The following PIEZO1 variants were observed in gnomAD, a reference collection of about 807,000 sequenced individuals.
The protein encoded by PIEZO1 is piezo-type mechanosensitive ion channel component 1.
A neutral mutation model predicts 297.2 loss-of-function variants in PIEZO1; 296 were observed. The ratio of observed to expected loss-of-function variants is 1.00; its 90% CI spans 0.91 to 1.10. PIEZO1 has a LOEUF of 1.10. Among genes scored for constraint, PIEZO1 ranks in the 50% least tolerant of loss-of-function variants. The probability of loss-of-function intolerance (pLI) is 0.00; values close to 1 mark genes in which losing one functional copy is unlikely to be tolerated. For synonymous variants in PIEZO1, 2,427 were observed against 1,507.5 expected (o/e 1.61, Z -14.13); for missense variants, 5,018 against 3,455.5 (o/e 1.45, Z -11.34).
chr16:88,718,785 G>T (rs139717140), intron 44 of PIEZO1: 138 of 152,986 alleles, frequency 9.0e-4, no homozygotes, highest in African/African-American at 3.1e-3. Flanking sequence ...CAGGCTTAAT[G>T]CAGCCCTGTA....
At chr16:88,741,178 G>A in intron 5 of PIEZO1, 1 of 277,772 alleles carries the variant, frequency 3.6e-6, no homozygotes. Context: ...AGCACTGCAG[G>A]TTTCCACCAC....
At chr16:88,778,650 T>A (rs938836796) in intron 1 of PIEZO1, among the ~76,000 whole-genome samples, 2 of 152,180 alleles carry the variant, frequency 1.3e-5, no homozygotes, top group Non-Finnish European at 2.9e-5. Context: ...AGCGTCCCCA[T>A]GGGCCCGGCA....
At chr16:88,779,591 C>T (rs1907833310) in intron 1 of PIEZO1, among the ~76,000 whole-genome samples, 1 of 152,212 alleles carries the variant, frequency 6.6e-6, no homozygotes, top group Non-Finnish European at 1.5e-5. Context: ...TCCCACAGGA[C>T]CGGCGTGAGA....
At chr16:88,727,398 G>C (rs1397782096) in intron 23 of PIEZO1, among the ~76,000 whole-genome samples, 159 bp downstream of exon 23, 1 of 152,130 alleles carries the variant, frequency 6.6e-6, no homozygotes, top group Non-Finnish European at 1.5e-5. Flanking sequence ...ACAGGCTGAG[G>C]TCTGCGTGCG....
chr16:88,743,176 C>T (rs1183919762), intron 2 of PIEZO1: 3 of 455,704 alleles, frequency 6.6e-6, no homozygotes, highest in African/African-American at 6.0e-5. Flanking sequence ...GGGAGGCCTT[C>T]GGCTGCAGGG....
intron 22 of PIEZO1, among the ~76,000 whole-genome samples, chr16:88,731,023 C>T (rs1483521304): frequency 6.6e-6 from 1 of 152,244 alleles, no homozygotes; most frequent in Non-Finnish European, 1.5e-5. Flanking sequence ...ATGTGACTCC[C>T]CATCTCAGAC....
At position 88,716,656 on chromosome 16, in the gene PIEZO1, G is replaced by A. The variant is rs563555492; in HGVS notation, c.6829C>T (p.Leu2277=). 6.5e-7 allele frequency: 1 copy of A among 1,549,436 alleles called. No homozygotes were observed. Among genetic ancestry groups the A allele is most frequent in the Admixed American group, 2.0e-5 (1 of 51,016 alleles). The change falls in exon 47 of 51, where the codon CTG becomes TTG. Residue 2277 remains leucine, a synonymous_variant. Transcript: ENST00000301015. ...TAQIEGSSGA[L]WRISPPSRAQ... is the part of the protein sequence containing the mutation. ...CGGCTGGGGGGACTGATGCGCCACA[G>A]CGCCCCGGAGCTGCCCTCAATCTGC...
Position 88,721,165 on chromosome 16 carries a change from C to A in PIEZO1, c.5668+1G>T, listed in dbSNP as rs1912409763. ...GAGGTTGTGAGGCAGGGCGCTTATA[C>A]CGATGGCTGCCGCTCCTTTCCGTGC... is the stretch of plus-strand genomic sequence containing the variant. On this transcript the variant is annotated splice_donor_variant, in intron 39 of 50. Transcript: ENST00000301015. LOFTEE classifies it high-confidence loss of function. 6.7e-7 allele frequency: 1 copy of A among 1,498,984 alleles called. No homozygotes were observed. The highest frequency in any genetic ancestry group is 8.9e-7 in the Non-Finnish European group (1 of 1,125,206). The allele number at this position is 1,498,984 out of a possible 1,614,324, so 92.9% of individuals were successfully genotyped here. A position where few individuals can be genotyped will look rare whatever the true frequency, so the allele number is the denominator to read the frequency against.
intron 5 of PIEZO1, chr16:88,738,972 A>C (rs1597462688): frequency 1.7e-6 from 1 of 572,874 alleles, no homozygotes. Flanking sequence ...AGCAGCTCCC[A>C]CCCTGGCCGA....
rs1313633586 is a variant in PIEZO1 at position 88,738,552 on chromosome 16, CT to C, written c.634+15del. The C allele has an allele frequency of 2.6e-6, 4 of 1,531,864 alleles. No individual in the cohort carries two copies. Among genetic ancestry groups the C allele is most frequent in the East Asian group, 2.4e-5 (1 of 40,822 alleles). 94.9% of individuals were successfully genotyped at this position (1,531,864 alleles called of 1,614,324 possible). ...CTCCCAGTGTGACTGCCAGTGCCCCCTGCCTCGGTGCGTACCTGCCAGTGCA... is the reference window on the plus strand; with the variant it reads ...CTCCCAGTGTGACTGCCAGTGCCCCCGCCTCGGTGCGTACCTGCCAGTGCA... On this transcript the variant is annotated intron_variant, in intron 6 of 50. Coordinates refer to ENST00000301015, the MANE Select transcript of PIEZO1 (RefSeq NM_001142864.4).
Position 88,725,417 on chromosome 16 carries a change from T to G in PIEZO1, c.4161A>C (p.Pro1387=). Residue 1387 remains proline, a splice_region_variant and synonymous_variant, in exon 29 of 51, where the codon CCA becomes CCC. Transcript: ENST00000301015. ...GTGCCCGACTCCAGCTGCACTCACC[T>G]GGCTCCAGGCCGGGGTCCTTGGGGC... ...TLGPKDPGLE[P]GPDSPGGSSP... is the part of the protein sequence containing the mutation. 5 of 1,449,780 alleles carry G rather than the reference T, an allele frequency of 3.4e-6. No individual in the cohort carries two copies. Among genetic ancestry groups the G allele is most frequent in the Non-Finnish European group, 4.5e-6 (5 of 1,099,982 alleles). The allele number at this position is 1,449,780 out of a possible 1,614,324, so 89.8% of individuals were successfully genotyped here. A position where few individuals can be genotyped will look rare whatever the true frequency, so the allele number is the denominator to read the frequency against.
chr16:88,761,449 C>A (rs1007608824), intron 1 of PIEZO1, among the ~76,000 whole-genome samples: 1 of 152,212 alleles, frequency 6.6e-6, no homozygotes, highest in Non-Finnish European at 1.5e-5. Flanking sequence ...AAAGGCCCAG[C>A]GGCACGGCCC....
chr16:88,734,391 G>A lies in PIEZO1; in HGVS notation c.2145C>T (p.Ser715=). The A allele has an allele frequency of 6.5e-7, 1 of 1,547,386 alleles. No homozygotes were observed. The highest frequency in any genetic ancestry group is 1.7e-4 in the Middle Eastern group (1 of 5,818). ...AGCGCGGGAGGCGCGTGCCAGGCAG[G>A]GACACGTGCTCCATGTCGGTGAGCT... ...FMQLTDMEHV[S]LPGTRLPRWA... The change falls in exon 16 of 51, where the codon TCC becomes TCT. Residue 715 remains serine, a synonymous_variant. Transcript: ENST00000301015.
intron 7 of PIEZO1, 23 bp downstream of exon 7, chr16:88,738,204 G>C (rs1378064992): frequency 7.8e-6 from 12 of 1,534,312 alleles, no homozygotes; most frequent in Non-Finnish European, 9.6e-6. Context: ...GCAGGAAAAA[G>C]GGGCTGTGTG....
intron 11 of PIEZO1, 67 bp downstream of exon 11, chr16:88,736,572 A>C (rs999074430): frequency 1.5e-6 from 2 of 1,331,158 alleles, no homozygotes; most frequent in Admixed American, 2.6e-5. Flanking sequence ...AGCGCACCCC[A>C]CCCAGGCGAT....
chr16:88,746,316 C>G (rs553600877), intron 2 of PIEZO1, among the ~76,000 whole-genome samples: 2 of 152,154 alleles, frequency 1.3e-5, no homozygotes, highest in African/African-American at 4.8e-5. Context: ...CTCCAGACAG[C>G]AGGGTCAGTC....
intron 1 of PIEZO1, among the ~76,000 whole-genome samples, chr16:88,778,156 G>A (rs116039116): frequency 3.7e-4 from 57 of 152,328 alleles, no homozygotes; most frequent in African/African-American, 1.2e-3. Context: ...GCCTGATGCC[G>A]CTCCCGGACC....
In PIEZO1 at chr16:88,722,584, T is replaced by C; in HGVS notation, c.4774A>G (p.Ser1592Gly). The change falls in exon 35 of 51, where the codon AGT (serine) becomes GGT (glycine). Residue 1592 changes from serine (S) to glycine (G), a missense_variant and splice_region_variant. Coordinates refer to ENST00000301015, the MANE Select transcript of PIEZO1 (RefSeq NM_001142864.4). ...EAPNAPSTVS[S>G]GLGAEEPLSS... ...GGCTCGGGTCACCCCCGCACCTACC[T>C]GGACACGGTGCTTGGGGCATTGGGG... The C allele has an allele frequency of 6.5e-7, 1 of 1,528,674 alleles. No homozygotes were observed. Among genetic ancestry groups the C allele is most frequent in the Non-Finnish European group, 8.8e-7 (1 of 1,139,406 alleles). 94.7% of individuals were successfully genotyped at this position (1,528,674 alleles called of 1,614,324 possible).
chr16:88,721,657 G>A lies in PIEZO1; in HGVS notation c.5284C>T (p.Arg1762Cys), dbSNP rs1184084921. 7.1e-6 allele frequency: 11 copies of A among 1,549,874 alleles called. No homozygotes were observed. The highest frequency in any genetic ancestry group is 2.4e-5 in the East Asian group (1 of 40,922). The change falls in exon 38 of 51, where the codon CGC (arginine) becomes TGC (cysteine). Residue 1762 changes from arginine (R) to cysteine (C), a missense_variant. Transcript: ENST00000301015. ...FPWNSHVVLR[R>C]YENKPYFPPR... ...GGGAAGTAGGGCTTGTTCTCGTAGC[G>A]CCGCAGCACCACGTGGCTGTTCCAG...
Sources: allele counts gnomAD v4.1 joint callset (sites outside exome capture counted in the v4.1 genomes callset), GRCh38; gene constraint gnomAD v4.1.1; transcripts MANE v1.5; gene names NCBI Gene and HGNC (gene_info 2026-07-23, HGNC 2026-07-21).